The following RPS6KA5 variants were observed in gnomAD, a reference collection of about 807,000 sequenced individuals.
RPS6KA5 encodes the protein ribosomal protein S6 kinase alpha-5.
In RPS6KA5, 27 loss-of-function variants were observed where a neutral mutation model predicts 85.5. The observed-to-expected ratio is 0.32, with a 90% CI of 0.23 to 0.44. The LOEUF is 0.44. Ranked by LOEUF, RPS6KA5 falls within the 20% of genes least tolerant of loss-of-function variation. RPS6KA5 has a pLI of 1.00. For missense variants in RPS6KA5, 811 were observed against 980.9 expected, an observed-to-expected ratio of 0.83 and a Z score of 2.31; for synonymous variants, 334 against 348.2, an observed-to-expected ratio of 0.96 and a Z score of 0.46.
intron 1 of RPS6KA5, among the ~76,000 whole-genome samples, chr14:91,016,990 A>G (rs892217526): frequency 6.6e-6 from 1 of 152,148 alleles, no homozygotes. Flanking sequence ...TGTGGATACC[A>G]GCCAGTCTCT....
chr14:90,949,443 T>C (rs968971882), intron 3 of RPS6KA5, among the ~76,000 whole-genome samples: 2 of 152,242 alleles, frequency 1.3e-5, no homozygotes, highest in Non-Finnish European at 2.9e-5. Context: ...TAAGGATTAA[T>C]ATATTCATTA....
intron 3 of RPS6KA5, among the ~76,000 whole-genome samples, chr14:90,969,110 G>A (rs527606975): frequency 6.6e-6 from 1 of 152,254 alleles, no homozygotes; most frequent in South Asian, 2.1e-4. Context: ...GAGAATGGAG[G>A]AGAGAAAAAT....
chr14:91,035,968 A>AAT (rs2139863985), intron 1 of RPS6KA5, among the ~76,000 whole-genome samples: 1 of 151,110 alleles, frequency 6.6e-6, no homozygotes, highest in Non-Finnish European at 1.5e-5. Context: ...AAAAAAAAAA[A>AAT]TCCTGAAGCA....
At chr14:90,952,789 T>C (rs957035965) in intron 3 of RPS6KA5, among the ~76,000 whole-genome samples, 2 of 152,174 alleles carry the variant, frequency 1.3e-5, no homozygotes, top group African/African-American at 4.8e-5. Context: ...ACCTTCTGGG[T>C]AGGGAAGATA....
Position 90,863,899 on chromosome 14 carries a change from A to G in RPS6KA5, c.*8175T>C, listed in dbSNP as rs1463566108. 1 of 152,248 alleles carries G rather than the reference A, an allele frequency of 6.6e-6. No homozygotes were observed. The highest frequency in any genetic ancestry group is 2.4e-5 in the African/African-American group (1 of 41,466). 9.4% of individuals were successfully genotyped at this position (152,248 alleles called of 1,614,324 possible). ...CTAACAAGGTGATTCTAAAATGTAT[A>G]TGGAAATGCAAAGGATTAAGAATAG... On this transcript the variant is annotated 3_prime_UTR_variant, in exon 17 of 17. Coordinates refer to ENST00000614987, the MANE Select transcript of RPS6KA5 (RefSeq NM_004755.4).
chr14:91,007,709 G>GC, intron 1 of RPS6KA5, among the ~76,000 whole-genome samples: 1 of 147,514 alleles, frequency 6.8e-6, no homozygotes, highest in African/African-American at 2.5e-5. Context: ...TTACTATTTT[G>GC]TTTTTTTTTT....
chr14:90,856,350 G>A lies in RPS6KA5; in HGVS notation c.*15724C>T, dbSNP rs1204032783. 6.5e-6 allele frequency: 1 copy of A among 154,768 alleles called. No individual in the cohort carries two copies. Among genetic ancestry groups the A allele is most frequent in the African/African-American group, 2.5e-5 (1 of 40,512 alleles). 9.6% of individuals were successfully genotyped at this position (154,768 alleles called of 1,614,324 possible). On this transcript the variant is annotated 3_prime_UTR_variant, in exon 17 of 17. Transcript: ENST00000614987. Reference sequence around the variant, plus strand: ...CCTCAAACTAGCTACAGCCTTTCTAGCTATGCGTGATTTTTTTTTTTTTTT... The same window carrying A: ...CCTCAAACTAGCTACAGCCTTTCTAACTATGCGTGATTTTTTTTTTTTTTT...
At chr14:90,976,069 A>G (rs1206649843) in intron 3 of RPS6KA5, among the ~76,000 whole-genome samples, 1 of 152,180 alleles carries the variant, frequency 6.6e-6, no homozygotes, top group Non-Finnish European at 1.5e-5. Flanking sequence ...CAACATGATT[A>G]AGGACTACTG....
At chr14:91,001,626 T>C (rs2040801608) in intron 1 of RPS6KA5, among the ~76,000 whole-genome samples, 3 of 152,194 alleles carry the variant, frequency 2.0e-5, no homozygotes, top group Non-Finnish European at 2.9e-5. Context: ...CGATATAGTA[T>C]GCATTCGTCA....
At chr14:91,013,424 G>C (rs1401784063) in intron 1 of RPS6KA5, among the ~76,000 whole-genome samples, 2 of 152,104 alleles carry the variant, frequency 1.3e-5, no homozygotes, top group Non-Finnish European at 2.9e-5. Flanking sequence ...CAGCCCATCT[G>C]AAGGTTTGGA....
At chr14:91,030,049 A>G (rs2042123587) in intron 1 of RPS6KA5, among the ~76,000 whole-genome samples, 1 of 152,206 alleles carries the variant, frequency 6.6e-6, no homozygotes, top group African/African-American at 2.4e-5. Flanking sequence ...AAATGCCTGC[A>G]GAGGAAACTG....
chr14:90,899,395 T>C lies in RPS6KA5; in HGVS notation c.1407A>G (p.Ile469Met). 6.2e-7 allele frequency: 1 copy of C among 1,613,716 alleles called. No homozygotes were observed. The highest frequency in any genetic ancestry group is 8.5e-7 in the Non-Finnish European group (1 of 1,179,810). ...KRMEANTQKE[I>M]TALKLCEGHP... ...GTCCTTCACAGAGTTTCAGAGCTGT[T>C]ATTTCCTTTTGAGTATTGGCTTCCA... Residue 469 changes from isoleucine to methionine, a missense_variant, in exon 12 of 17, where the codon ATA (isoleucine) becomes ATG (methionine). Physicochemically the swap from Ile to Met is conservative, Grantham distance 10 (BLOSUM62 1). This residue lies in a region of RPS6KA5 where 650 missense variants were observed against 793.4 expected (regional missense o/e 0.82). Coordinates refer to ENST00000614987, the MANE Select transcript of RPS6KA5 (RefSeq NM_004755.4).
chr14:90,961,940 A>T (rs2038818339), intron 3 of RPS6KA5, among the ~76,000 whole-genome samples: 1 of 152,260 alleles, frequency 6.6e-6, no homozygotes, highest in Non-Finnish European at 1.5e-5. Flanking sequence ...GCAACATAGA[A>T]GAGCTACATT....
At chr14:90,960,299 A>G (rs1407209339) in intron 3 of RPS6KA5, among the ~76,000 whole-genome samples, 1 of 152,210 alleles carries the variant, frequency 6.6e-6, no homozygotes, top group Non-Finnish European at 1.5e-5. Flanking sequence ...TGAAAGTAAA[A>G]ACAACTTAGC....
intron 1 of RPS6KA5, among the ~76,000 whole-genome samples, chr14:91,036,802 G>A (rs370087709): frequency 2.0e-5 from 3 of 152,190 alleles, no homozygotes; most frequent in Admixed American, 6.5e-5. Flanking sequence ...CTCTAGTTCA[G>A]GGTTGCCCAA....
At chr14:91,002,489 C>T (rs1185518772) in intron 1 of RPS6KA5, among the ~76,000 whole-genome samples, 1 of 151,952 alleles carries the variant, frequency 6.6e-6, no homozygotes, top group African/African-American at 2.4e-5. Context: ...TTGCTGTGTG[C>T]CAATAAGCAG....
chr14:90,900,463 G>T, intron 10 of RPS6KA5, 148 bp downstream of exon 10: 3 of 773,394 alleles, frequency 3.9e-6, no homozygotes, highest in Non-Finnish European at 5.7e-6. Flanking sequence ...TCAACTTGAC[G>T]TTAATTCTCT....
At chr14:90,993,181 C>T (rs2040377544) in intron 2 of RPS6KA5, among the ~76,000 whole-genome samples, 1 of 152,182 alleles carries the variant, frequency 6.6e-6, no homozygotes, top group Non-Finnish European at 1.5e-5. Flanking sequence ...GTGGCTCACA[C>T]CTGTAATCCC....
chr14:90,879,184 G>C (rs142076464), intron 14 of RPS6KA5, among the ~76,000 whole-genome samples: 1 of 152,218 alleles, frequency 6.6e-6, no homozygotes, highest in African/African-American at 2.4e-5. Flanking sequence ...AGTCAGGTAG[G>C]CACAGCAACA....
Sources: gnomAD v4.1 joint callset for allele counts (sites outside exome capture counted in the v4.1 genomes callset) on GRCh38, gnomAD v4.1.1 for gene constraint, gnomAD v4.1.1 regional missense constraint, MANE v1.5 for transcripts, NCBI Gene and HGNC (gene_info 2026-07-23, HGNC 2026-07-21) for gene names.